NBAS: variants seen among roughly 807,000 people sequenced by gnomAD.
NBAS encodes the protein NAG/BC035112 fusion.
A neutral mutation model predicts 302.5 loss-of-function variants in NBAS; 219 were observed. The ratio of observed to expected loss-of-function variants is 0.72; its 90% confidence interval spans 0.65 to 0.81. The LOEUF (loss-of-function observed/expected upper bound fraction) is 0.81. NBAS is among the 30% of genes least tolerant of loss of function. The pLI is 0.00. For missense variants in NBAS, 2,932 were observed against 2,841.6 expected, an observed-to-expected ratio of 1.03 and a Z score of -0.72; for synonymous variants, 1,118 against 1,021.6, an observed-to-expected ratio of 1.09 and a Z score of -1.80.
chr2:15,363,217 T>C (rs552601978), intron 32 of NBAS, among the ~76,000 whole-genome samples: 11 of 152,188 alleles, frequency 7.2e-5, no homozygotes, highest in Non-Finnish European at 1.6e-4. Flanking sequence ...TCAGACTTGC[T>C]TAGCCAATCC....
At position 15,473,217 on chromosome 2, in the gene NBAS, C is replaced by T. The variant is rs750806928; in HGVS notation, c.1725+5G>A. ...TTACCACATTACCAAAATATTTAAACATACCAAATAATTCTGAATTGAAGC... is the reference window on the plus strand; with the variant it reads ...TTACCACATTACCAAAATATTTAAATATACCAAATAATTCTGAATTGAAGC... On this transcript the variant is annotated splice_donor_5th_base_variant and intron_variant, in intron 16 of 51. Coordinates refer to ENST00000281513, the MANE Select transcript of NBAS (RefSeq NM_015909.4). 1.2e-5 allele frequency: 19 copies of T among 1,613,540 alleles called. No homozygotes were observed. The highest frequency in any genetic ancestry group is 1.6e-5 in the Non-Finnish European group (19 of 1,179,694).
At chr2:14,916,697 C>T in the NBAS span, among the ~76,000 whole-genome samples, 219 of 152,294 alleles carry the variant, frequency 1.4e-3, no homozygotes, top group African/African-American at 4.4e-3. Flanking sequence ...TGTAATGGCT[C>T]GCTACTAAGC....
At chr2:15,171,052 A>G (rs560742500) in intron 51 of NBAS, among the ~76,000 whole-genome samples, 1 of 152,342 alleles carries the variant, frequency 6.6e-6, no homozygotes, top group African/African-American at 2.4e-5. Context: ...TACTAAACAT[A>G]CTAAAACTTT....
the NBAS span, among the ~76,000 whole-genome samples, chr2:14,784,383 G>A: frequency 3.0e-4 from 45 of 152,138 alleles, no homozygotes; most frequent in African/African-American, 1.0e-3. Context: ...TAGACATGAA[G>A]TCCTTGCCCA....
chr2:15,252,459 T>C (rs1464992843), intron 44 of NBAS, among the ~76,000 whole-genome samples: 2 of 151,434 alleles, frequency 1.3e-5, no homozygotes, highest in African/African-American at 4.9e-5. Flanking sequence ...GATCGCGCCA[T>C]TGCACACCAG....
chr2:14,892,195 T>A, the NBAS span, among the ~76,000 whole-genome samples: 1,367 of 152,294 alleles, frequency 9.0e-3, 22 homozygotes, highest in African/African-American at 0.031. Context: ...CTGTTGTAAG[T>A]AGTCCTCCTT....
chr2:14,902,985 C>G, the NBAS span, among the ~76,000 whole-genome samples: 5 of 151,808 alleles, frequency 3.3e-5, no homozygotes, highest in African/African-American at 1.2e-4. Context: ...AGAAGAGAGA[C>G]AGCAAAGGCA....
the NBAS span, among the ~76,000 whole-genome samples, chr2:15,103,031 A>AAG: frequency 6.4e-5 from 2 of 31,090 alleles, no homozygotes; most frequent in African/African-American, 4.5e-4. Flanking sequence ...AAGGAAGGAA[A>AAG]GAGGGTCGGA....
the NBAS span, among the ~76,000 whole-genome samples, chr2:14,846,557 T>C: frequency 6.6e-6 from 1 of 150,840 alleles, no homozygotes; most frequent in African/African-American, 2.5e-5. Flanking sequence ...AGCTGTGGTA[T>C]GTAAACTATT....
intron 25 of NBAS, among the ~76,000 whole-genome samples, chr2:15,408,799 C>A (rs995072919): frequency 6.6e-6 from 1 of 152,068 alleles, no homozygotes; most frequent in Non-Finnish European, 1.5e-5. Flanking sequence ...CTATAAAATG[C>A]GAACAATGAT....
chr2:15,089,170 T>C, the NBAS span, among the ~76,000 whole-genome samples: 6 of 152,138 alleles, frequency 3.9e-5, no homozygotes, highest in African/African-American at 1.4e-4. Context: ...TTTGTAGAGA[T>C]AGGGGCTCAC....
chr2:15,434,823 T>C (rs1401573319), intron 21 of NBAS, among the ~76,000 whole-genome samples: 2 of 152,174 alleles, frequency 1.3e-5, no homozygotes, highest in Admixed American at 6.5e-5. Context: ...CAAGGATTGA[T>C]GAGAATAATC....
intron 51 of NBAS, among the ~76,000 whole-genome samples, chr2:15,176,125 T>C (rs1358989322): frequency 1.3e-5 from 2 of 152,208 alleles, no homozygotes; most frequent in African/African-American, 4.8e-5. Context: ...AGTTTTCTAT[T>C]TTTCATTGCA....
chr2:15,373,385 C>G (rs1021482663), intron 31 of NBAS, among the ~76,000 whole-genome samples: 4 of 89,914 alleles, frequency 4.4e-5, no homozygotes, highest in African/African-American at 1.5e-4. Flanking sequence ...GGCCGGAATG[C>G]AACAGCGTGA....
At chr2:15,441,996 G>C (rs1678442243) in intron 21 of NBAS, among the ~76,000 whole-genome samples, 1 of 142,260 alleles carries the variant, frequency 7.0e-6, no homozygotes, top group Non-Finnish European at 1.5e-5. Context: ...GGAGCACCCA[G>C]ATTCATAAAG....
At chr2:15,360,826 C>T (rs571322296) in intron 32 of NBAS, among the ~76,000 whole-genome samples, 2 of 152,234 alleles carry the variant, frequency 1.3e-5, no homozygotes, top group South Asian at 2.1e-4. Context: ...CTATCATCTC[C>T]TATGATATCA....
chr2:15,348,497 T>C (rs1340453051), intron 35 of NBAS, among the ~76,000 whole-genome samples: 1 of 150,880 alleles, frequency 6.6e-6, no homozygotes, highest in East Asian at 1.9e-4. Flanking sequence ...AAGCAGAAAA[T>C]AGAAGTCCCC....
intron 47 of NBAS, among the ~76,000 whole-genome samples, chr2:15,222,630 TTAAGAATTGAC>T (rs1200002412): frequency 2.0e-5 from 3 of 152,242 alleles, no homozygotes; most frequent in Non-Finnish European, 4.4e-5. Flanking sequence ...AATCTCAGAT[TTAAGAATTGAC>T]TATGGCATTT....
At chr2:14,840,612 G>T in the NBAS span, among the ~76,000 whole-genome samples, 22 of 152,068 alleles carry the variant, frequency 1.4e-4, no homozygotes, top group South Asian at 4.4e-3. Context: ...GCCCAGGAGG[G>T]TGTTAGATAA....
Sources: gnomAD v4.1 joint callset for allele counts (sites outside exome capture counted in the v4.1 genomes callset) on GRCh38, gnomAD v4.1.1 for gene constraint, MANE v1.5 for transcripts, NCBI Gene and HGNC (gene_info 2026-07-23, HGNC 2026-07-21) for gene names.